The following MPDZ variants were observed in gnomAD, a reference collection of about 807,000 sequenced individuals.
The protein encoded by MPDZ is multiple PDZ domain protein.
Under a neutral mutation model 239.1 loss-of-function variants are expected in MPDZ, and 234 were observed. The observed-to-expected ratio is 0.98, with a 90% CI of 0.88 to 1.09. The LOEUF (loss-of-function observed/expected upper bound fraction) is 1.09. MPDZ is among the 50% of genes least tolerant of loss of function. The pLI is 0.00. For missense variants in MPDZ, 3,175 were observed against 2,510.0 expected, an observed-to-expected ratio of 1.26 and a Z score of -5.66; for synonymous variants, 1,048 against 881.3, an observed-to-expected ratio of 1.19 and a Z score of -3.35.
At chr9:13,137,197 C>T (rs1478234133) in intron 29 of MPDZ, among the ~76,000 whole-genome samples, 1 of 152,052 alleles carries the variant, frequency 6.6e-6, no homozygotes, top group Non-Finnish European at 1.5e-5. Context: ...TCATATTTCC[C>T]ACTTAGTCTC....
chr9:13,149,185 C>T lies in MPDZ; in HGVS notation c.3630+1326G>A, dbSNP rs140424929. On this transcript the variant is annotated intron_variant, in intron 25 of 46. Coordinates refer to ENST00000319217, the MANE Select transcript of MPDZ (RefSeq NM_001378778.1). The stretch of plus-strand genomic sequence containing the variant: ...AAAGCCTATCACTCTTCCTTATAAA[C>T]GGTCATCAAAAAAAAAAGGACATGG... Among the ~76,000 whole-genome samples the T allele has an allele frequency of 1.3e-4, 19 of 151,748 alleles. No individual in the cohort carries two copies. The East Asian group carries it at 1.7e-3, about 14-fold the overall frequency.
intron 10 of MPDZ, among the ~76,000 whole-genome samples, chr9:13,207,576 T>C (rs553531106): frequency 1.3e-5 from 2 of 152,330 alleles, no homozygotes; most frequent in Admixed American, 6.5e-5. Flanking sequence ...TATAATTGCT[T>C]TATATTTCAG....
chr9:13,133,377 T>C lies in MPDZ; in HGVS notation c.4464+447A>G, dbSNP rs150638539. On this transcript the variant is annotated intron_variant, in intron 32 of 46. Coordinates refer to ENST00000319217, the MANE Select transcript of MPDZ (RefSeq NM_001378778.1). ...TTATATGTATAGTAAGATTGCCTTTTTAAGGCAATCATCGGAGCCGAAAGT... is the reference window on the plus strand; with the variant it reads ...TTATATGTATAGTAAGATTGCCTTTCTAAGGCAATCATCGGAGCCGAAAGT... Among the ~76,000 whole-genome samples the C allele has an allele frequency of 3.8e-3, 575 of 152,330 alleles. 3 individuals are homozygous for C. The highest frequency in any genetic ancestry group is 0.013 in the African/African-American group (536 of 41,594).
intron 12 of MPDZ, among the ~76,000 whole-genome samples, chr9:13,198,872 T>C (rs1353958654): frequency 6.6e-6 from 1 of 151,744 alleles, no homozygotes; most frequent in African/African-American, 2.4e-5. Flanking sequence ...GCTTTGGCTA[T>C]TTGGAGTCAT....
At chr9:13,256,926 C>T (rs983714938) in intron 1 of MPDZ, among the ~76,000 whole-genome samples, 1 of 152,176 alleles carries the variant, frequency 6.6e-6, no homozygotes, top group South Asian at 2.1e-4. Flanking sequence ...CACAATAAGA[C>T]AAAATTCAAT....
intron 3 of MPDZ, 65 bp from the exon 4 acceptor site, chr9:13,224,648 C>G: frequency 9.1e-7 from 1 of 1,103,166 alleles, no homozygotes; most frequent in Non-Finnish European, 1.3e-6. Flanking sequence ...AGAAAATATC[C>G]CAAGGGTACA....
chr9:13,137,065 C>T (rs549268956), intron 29 of MPDZ, among the ~76,000 whole-genome samples: 1 of 152,148 alleles, frequency 6.6e-6, no homozygotes, highest in African/African-American at 2.4e-5. Flanking sequence ...CTTGGACCAA[C>T]TGCAGGAGAG....
At chr9:13,206,826 G>A (rs984329909) in intron 10 of MPDZ, among the ~76,000 whole-genome samples, 1 of 152,122 alleles carries the variant, frequency 6.6e-6, no homozygotes, top group Non-Finnish European at 1.5e-5. Flanking sequence ...ACAGGCGTGA[G>A]CCACTGCACC....
In MPDZ at chr9:13,222,304, G is replaced by T. The variant is rs774932012; in HGVS notation, c.676C>A (p.Pro226Thr). The change falls in exon 6 of 47, where the codon CCT becomes ACT. Residue 226 changes from proline to threonine, a missense_variant. By Grantham distance (38) the Pro-to-Thr change is conservative (BLOSUM62 -1). Transcript: ENST00000319217. ...GAAACTATGGGGCTGACAAGCTGAG[G>T]CAATGAGCCTCTGGCAATAACTAGC... Reference protein sequence around the residue: ...VQLVIARGSLPQLVSPIVSRS... With the variant: ...VQLVIARGSLTQLVSPIVSRS... 4 of 1,612,968 alleles carry T rather than the reference G, an allele frequency of 2.5e-6. No individual in the cohort carries two copies. The highest frequency in any genetic ancestry group is 3.4e-6 in the Non-Finnish European group (4 of 1,179,300).
chr9:13,195,986 T>TAATAAAAAAA, intron 13 of MPDZ, 135 bp downstream of exon 13: 1 of 570,058 alleles, frequency 1.8e-6, no homozygotes, highest in Non-Finnish European at 3.0e-6. Flanking sequence ...TGGATCACCA[T>TAATAAAAAAA]ATTTAGGTTG....
intron 1 of MPDZ, among the ~76,000 whole-genome samples, chr9:13,271,064 T>A (rs1174300157): frequency 1.3e-5 from 2 of 152,148 alleles, no homozygotes; most frequent in Non-Finnish European, 2.9e-5. Flanking sequence ...GATACAAAAG[T>A]TTATGGAAAG....
Position 13,206,055 on chromosome 9 carries a change from T to C in MPDZ, c.1335A>G (p.Val445=), listed in dbSNP as rs747842739. ...NLQGFTNQQA[V]EVLRHTGQTV... is the part of the protein sequence containing the mutation. ...TTTGTCCTGTATGTCGCAATACCTC[T>C]ACTGCTTGCTGATTAGTAAAACCCT... The change falls in exon 11 of 47, where the codon GTA becomes GTG. Residue 445 remains valine, a synonymous_variant. Coordinates refer to ENST00000319217, the MANE Select transcript of MPDZ (RefSeq NM_001378778.1). The C allele has an allele frequency of 1.2e-6, 2 of 1,612,006 alleles. No homozygotes were observed. Among genetic ancestry groups the C allele is most frequent in the Admixed American group, 1.7e-5 (1 of 59,838 alleles).
chr9:13,176,054 A>C, intron 20 of MPDZ, 82 bp downstream of exon 20: 5 of 1,453,528 alleles, frequency 3.4e-6, no homozygotes, highest in South Asian at 1.5e-5. Flanking sequence ...ACTCATTCCA[A>C]ATGAAGAGAT....
intron 27 of MPDZ, among the ~76,000 whole-genome samples, chr9:13,142,481 T>G (rs889005514): frequency 3.5e-4 from 53 of 152,236 alleles, no homozygotes; most frequent in African/African-American, 1.2e-3. Flanking sequence ...AAAATATAGC[T>G]CTTTAACAAA....
At chr9:13,267,164 C>T (rs1409029914) in intron 1 of MPDZ, among the ~76,000 whole-genome samples, 1 of 152,150 alleles carries the variant, frequency 6.6e-6, no homozygotes, top group Non-Finnish European at 1.5e-5. Context: ...GAATTGACTG[C>T]TATCGCATGT....
intron 3 of MPDZ, among the ~76,000 whole-genome samples, chr9:13,230,206 A>G (rs1033943957): frequency 6.6e-6 from 1 of 152,168 alleles, no homozygotes; most frequent in Non-Finnish European, 1.5e-5. Context: ...TGCTGGTGGA[A>G]ATGTAAAATG....
intron 1 of MPDZ, among the ~76,000 whole-genome samples, chr9:13,270,860 A>G (rs1972796438): frequency 6.6e-6 from 1 of 152,156 alleles, no homozygotes; most frequent in African/African-American, 2.4e-5. Flanking sequence ...TTTCAGCACC[A>G]AATTACTCCT....
At chr9:13,236,988 T>C (rs975075556) in intron 3 of MPDZ, among the ~76,000 whole-genome samples, 3 of 152,136 alleles carry the variant, frequency 2.0e-5, no homozygotes, top group African/African-American at 2.4e-5. Context: ...TTGTCCAAGA[T>C]ACGCTGAAAA....
Position 13,241,821 on chromosome 9 carries a change from G to A in MPDZ, c.183+5814C>T, listed in dbSNP as rs143373072. Reference sequence around the variant, plus strand: ...TCAACACTTTGGCCATGAACTCTTCGCAGTCGTACAAATCTGTATCTACAG... The same window carrying A: ...TCAACACTTTGGCCATGAACTCTTCACAGTCGTACAAATCTGTATCTACAG... On this transcript the variant is annotated intron_variant, in intron 3 of 46. Transcript: ENST00000319217. Among the ~76,000 whole-genome samples, 20 of 152,194 alleles carry A rather than the reference G, an allele frequency of 1.3e-4. No homozygotes were observed. The East Asian group carries it at 2.9e-3, about 22-fold the overall frequency.
Sources: gnomAD v4.1 joint callset for allele counts (sites outside exome capture counted in the v4.1 genomes callset) on GRCh38, gnomAD v4.1.1 for gene constraint, MANE v1.5 for transcripts, NCBI Gene and HGNC (gene_info 2026-07-23, HGNC 2026-07-21) for gene names.